GPC5: variants seen among roughly 807,000 people sequenced by gnomAD.
The protein encoded by GPC5 is glypican 5.
Under a neutral mutation model 53.9 loss-of-function variants are expected in GPC5, and 47 were observed. The observed-to-expected ratio is 0.87, with a 90% CI of 0.69 to 1.11. The LOEUF is 1.11. Ranked by LOEUF, GPC5 falls within the 50% of genes most tolerant of loss-of-function variation. GPC5 has a pLI of 0.00. For synonymous variants in GPC5, 286 were observed against 263.3 expected, an observed-to-expected ratio of 1.09 and a Z score of -0.84; for missense variants, 748 against 713.1, an observed-to-expected ratio of 1.05 and a Z score of -0.56.
chr13:92,117,253 C>T (rs1228915806), intron 6 of GPC5, among the ~76,000 whole-genome samples: 1 of 152,140 alleles, frequency 6.6e-6, no homozygotes, highest in Non-Finnish European at 1.5e-5. Context: ...TTGGAAATGG[C>T]ATTATGTTGC....
At chr13:92,824,945 C>T (rs764542522) in intron 7 of GPC5, among the ~76,000 whole-genome samples, 13 of 151,942 alleles carry the variant, frequency 8.6e-5, no homozygotes, top group Non-Finnish European at 1.5e-4. Flanking sequence ...TGGTAAGAAA[C>T]TTTTGAATCC....
intron 5 of GPC5, among the ~76,000 whole-genome samples, chr13:91,800,780 A>G (rs1236213292): frequency 1.3e-5 from 2 of 152,118 alleles, no homozygotes; most frequent in African/African-American, 4.8e-5. Flanking sequence ...ATTTTTAGAC[A>G]TGGAAGTCTA....
rs143413568 is a variant in GPC5 at position 92,325,152 on chromosome 13, A to G, written c.1561+180163A>G. 6.1e-3 allele frequency among the ~76,000 whole-genome samples: 925 copies of G among 151,964 alleles called. 7 individuals carry two copies. Among genetic ancestry groups the G allele is most frequent in the Non-Finnish European group, 6.8e-3 (462 of 67,852 alleles). On this transcript the variant is annotated intron_variant, in intron 7 of 7. Coordinates refer to ENST00000377067, the MANE Select transcript of GPC5 (RefSeq NM_004466.6). ...CACACGTAGGTATATATACACATATATATAAAACTTAAGCATGTTTATACA... is the reference window on the plus strand; with the variant it reads ...CACACGTAGGTATATATACACATATGTATAAAACTTAAGCATGTTTATACA...
chr13:92,585,096 C>T (rs1883497288), intron 7 of GPC5, among the ~76,000 whole-genome samples: 1 of 152,092 alleles, frequency 6.6e-6, no homozygotes, highest in East Asian at 1.9e-4. Flanking sequence ...CACACAGAGT[C>T]CCTCCTGGGG....
chr13:91,788,374 C>T (rs1257922319), intron 5 of GPC5, among the ~76,000 whole-genome samples: 3 of 152,114 alleles, frequency 2.0e-5, no homozygotes, highest in Non-Finnish European at 2.9e-5. Flanking sequence ...CCTTTAAGTC[C>T]ATCAATTTGG....
intron 7 of GPC5, among the ~76,000 whole-genome samples, chr13:92,613,102 C>T (rs2139098457): frequency 6.7e-6 from 1 of 150,048 alleles, no homozygotes; most frequent in African/African-American, 2.5e-5. Flanking sequence ...TTAAGGAAGG[C>T]TTTATAGAAG....
intron 3 of GPC5, among the ~76,000 whole-genome samples, chr13:91,722,093 G>A (rs1006734388): frequency 2.0e-5 from 3 of 152,072 alleles, no homozygotes; most frequent in Non-Finnish European, 4.4e-5. Flanking sequence ...AAATTGATTT[G>A]GCTTTCAGTC....
At chr13:92,021,608 G>T (rs1358171640) in intron 6 of GPC5, among the ~76,000 whole-genome samples, 1 of 152,154 alleles carries the variant, frequency 6.6e-6, no homozygotes, top group Non-Finnish European at 1.5e-5. Flanking sequence ...TTGTTAAGAG[G>T]CTAGATCATA....
At chr13:92,118,744 G>A (rs994530496) in intron 6 of GPC5, among the ~76,000 whole-genome samples, 1 of 152,238 alleles carries the variant, frequency 6.6e-6, no homozygotes, top group Admixed American at 6.5e-5. Context: ...AAGAGTCCTT[G>A]GTAGTTGCTT....
rs1402180605 is a variant in GPC5, at chr13:92,362,414, T to C, written c.1561+217425T>C. 2.6e-5 allele frequency among the ~76,000 whole-genome samples: 4 copies of C among 151,898 alleles called. No individual in the cohort carries two copies. The East Asian group carries it at 7.7e-4, about 29-fold the overall frequency. On this transcript the variant is annotated intron_variant, in intron 7 of 7. Transcript: ENST00000377067. The stretch of plus-strand genomic sequence containing the variant: ...AAAAGATCCTTTGGTCTTATTAAGA[T>C]ATGACAACAAAGAGACTATTACTAG...
In GPC5 at chr13:92,853,537, A is replaced by G. The variant is rs375402188; in HGVS notation, c.1562-12745A>G. Among the ~76,000 whole-genome samples the G allele has an allele frequency of 5.9e-5, 9 of 152,286 alleles. No individual in the cohort carries two copies. In the East Asian group the frequency reaches 1.2e-3, roughly 20 times the overall value. On this transcript the variant is annotated intron_variant, in intron 7 of 7. Transcript: ENST00000377067. ...ACTGTACTGTCATTACCATCTTAATAGGCCTGAGAAGATTTAAACAAACAA... is the reference window on the plus strand; with the variant it reads ...ACTGTACTGTCATTACCATCTTAATGGGCCTGAGAAGATTTAAACAAACAA...
chr13:91,878,147 T>A (rs2039224914), intron 5 of GPC5, among the ~76,000 whole-genome samples: 1 of 152,142 alleles, frequency 6.6e-6, no homozygotes, highest in African/African-American at 2.4e-5. Flanking sequence ...CTAATACAAC[T>A]AGACTAGTTA....
At chr13:91,771,132 G>A (rs2037616926) in intron 5 of GPC5, among the ~76,000 whole-genome samples, 1 of 152,096 alleles carries the variant, frequency 6.6e-6, no homozygotes, top group African/African-American at 2.4e-5. Flanking sequence ...TTAGGAAAAT[G>A]CCAAAAATCT....
chr13:91,581,308 T>C (rs1361087859), intron 2 of GPC5, among the ~76,000 whole-genome samples: 2 of 152,198 alleles, frequency 1.3e-5, no homozygotes. Context: ...GATAGGAAAG[T>C]AGAGTGGAAG....
chr13:92,785,738 C>T (rs1482066969), intron 7 of GPC5, among the ~76,000 whole-genome samples: 2 of 152,160 alleles, frequency 1.3e-5, no homozygotes, highest in East Asian at 3.9e-4. Flanking sequence ...AGACTCAAGA[C>T]ACAGACTGCT....
At chr13:92,495,391 G>A (rs993184338) in intron 7 of GPC5, among the ~76,000 whole-genome samples, 2 of 152,048 alleles carry the variant, frequency 1.3e-5, no homozygotes, top group African/African-American at 4.8e-5. Context: ...ACTTTACATT[G>A]TGAATTCATA....
chr13:91,935,617 A>C (rs554549738), intron 6 of GPC5, among the ~76,000 whole-genome samples: 1 of 152,118 alleles, frequency 6.6e-6, no homozygotes, highest in African/African-American at 2.4e-5. Flanking sequence ...ACAGACTGAG[A>C]CACATTGTAT....
intron 3 of GPC5, among the ~76,000 whole-genome samples, chr13:91,724,204 C>T (rs1048557124): frequency 6.6e-6 from 1 of 152,144 alleles, no homozygotes. Context: ...TAATGGAGCA[C>T]AGCACATGTG....
chr13:92,788,463 A>C (rs1006411643), intron 7 of GPC5, among the ~76,000 whole-genome samples: 1 of 152,194 alleles, frequency 6.6e-6, no homozygotes, highest in Non-Finnish European at 1.5e-5. Context: ...GACAGTGGCA[A>C]TTAGAAATCA....
Sources: gnomAD v4.1 joint callset for allele counts (sites outside exome capture counted in the v4.1 genomes callset) on GRCh38, gnomAD v4.1.1 for gene constraint, MANE v1.5 for transcripts, NCBI Gene and HGNC (gene_info 2026-07-23, HGNC 2026-07-21) for gene names.